EFCAB11: variants seen among roughly 807,000 people sequenced by gnomAD.
EFCAB11 encodes EF-hand calcium-binding domain-containing protein 11.
Under a neutral mutation model 23.0 loss-of-function variants are expected in EFCAB11, and 14 were observed. The ratio of observed to expected loss-of-function variants is 0.61; its 90% CI spans 0.40 to 0.95. The LOEUF is 0.95. Among genes scored for constraint, EFCAB11 ranks in the 40% least tolerant of loss-of-function variants. The pLI is 0.00. For missense variants in EFCAB11, 198 were observed against 195.8 expected (o/e 1.01, Z -0.07); for synonymous variants, 65 against 66.6 (o/e 0.98, Z 0.11).
At chr14:89,897,059 T>C (rs1889191203) in intron 5 of EFCAB11, among the ~76,000 whole-genome samples, 1 of 151,642 alleles carries the variant, frequency 6.6e-6, no homozygotes, top group South Asian at 2.1e-4. Flanking sequence ...GAATTATAGA[T>C]AAAACAAGGA....
At chr14:89,845,155 C>T (rs1887391752) in intron 5 of EFCAB11, among the ~76,000 whole-genome samples, 1 of 152,204 alleles carries the variant, frequency 6.6e-6, no homozygotes, top group Middle Eastern at 3.4e-3. Context: ...TAAAGAAATA[C>T]CTAACATATT....
intron 5 of EFCAB11, among the ~76,000 whole-genome samples, chr14:89,852,560 C>T (rs2150303): frequency 0.64 from 97,307 of 152,052 alleles, 33,438 homozygotes; most frequent in Non-Finnish European, 0.79. Context: ...TAGCCCAAGA[C>T]ACGTACACAA....
chr14:89,932,142 G>A (rs1890412065), intron 4 of EFCAB11, among the ~76,000 whole-genome samples: 1 of 151,984 alleles, frequency 6.6e-6, no homozygotes, highest in Non-Finnish European at 1.5e-5. Flanking sequence ...ACCCCTCTCA[G>A]CCACACCCTA....
At chr14:89,887,103 C>T (rs556179279) in intron 5 of EFCAB11, among the ~76,000 whole-genome samples, 23 of 152,112 alleles carry the variant, frequency 1.5e-4, no homozygotes, top group Non-Finnish European at 3.1e-4. Context: ...CAGAGGTATT[C>T]AAGAACAGAC....
chr14:89,820,726 T>C (rs1886488077), intron 5 of EFCAB11, among the ~76,000 whole-genome samples: 1 of 152,140 alleles, frequency 6.6e-6, no homozygotes, highest in African/African-American at 2.4e-5. Context: ...CCTTAATTCC[T>C]ATGCAGTACT....
At chr14:89,812,159 T>A (rs1046476871) in intron 5 of EFCAB11, among the ~76,000 whole-genome samples, 5 of 152,206 alleles carry the variant, frequency 3.3e-5, no homozygotes, top group African/African-American at 9.7e-5. Context: ...AAAAGTGATA[T>A]TAAAAATAGT....
At chr14:89,818,223 G>C (rs1030535861) in intron 5 of EFCAB11, among the ~76,000 whole-genome samples, 1 of 152,140 alleles carries the variant, frequency 6.6e-6, no homozygotes, top group Admixed American at 6.5e-5. Context: ...CCAAATTTAA[G>C]TAAATGTTCA....
At chr14:89,879,638 G>A (rs548487952) in intron 5 of EFCAB11, among the ~76,000 whole-genome samples, 1 of 152,196 alleles carries the variant, frequency 6.6e-6, no homozygotes, top group Non-Finnish European at 1.5e-5. Flanking sequence ...TTTTGAAGAA[G>A]ACTAAGAGCA....
At chr14:89,891,299 CTA>C (rs1888955801) in intron 5 of EFCAB11, among the ~76,000 whole-genome samples, 1 of 152,082 alleles carries the variant, frequency 6.6e-6, no homozygotes, top group Non-Finnish European at 1.5e-5. Context: ...ACTAGAGGTT[CTA>C]TGTTTAAAAA....
At chr14:89,839,484 A>C (rs984052444) in intron 5 of EFCAB11, among the ~76,000 whole-genome samples, 18 of 152,150 alleles carry the variant, frequency 1.2e-4, no homozygotes, top group Non-Finnish European at 2.6e-4. Context: ...AGATACTTAC[A>C]GGAGGATCCA....
chr14:89,907,992 T>C (rs1007967457), intron 5 of EFCAB11, among the ~76,000 whole-genome samples: 1 of 152,174 alleles, frequency 6.6e-6, no homozygotes, highest in South Asian at 2.1e-4. Context: ...GCACTAGATA[T>C]CAGCTAGCTA....
chr14:89,930,796 T>C (rs563305120), intron 5 of EFCAB11, among the ~76,000 whole-genome samples: 1 of 152,328 alleles, frequency 6.6e-6, no homozygotes, highest in South Asian at 2.1e-4. Context: ...TTCCGTTCTT[T>C]TGGGTTTTCT....
intron 5 of EFCAB11, among the ~76,000 whole-genome samples, chr14:89,839,231 T>C (rs1450639634): frequency 6.6e-6 from 1 of 152,202 alleles, no homozygotes; most frequent in African/African-American, 2.4e-5. Context: ...AGGTACAATG[T>C]TCTACCATCC....
chr14:89,904,435 T>C (rs990842537), intron 5 of EFCAB11, among the ~76,000 whole-genome samples: 5 of 152,202 alleles, frequency 3.3e-5, no homozygotes, highest in Admixed American at 6.5e-5. Context: ...ACAATAAACA[T>C]ACGTGTGCAT....
intron 5 of EFCAB11, among the ~76,000 whole-genome samples, chr14:89,918,396 G>A (rs1464969924): frequency 3.9e-5 from 6 of 151,944 alleles, no homozygotes; most frequent in African/African-American, 9.6e-5. Flanking sequence ...AAAATTAGCC[G>A]GGCATGGTAG....
chr14:89,939,785 C>T (rs1890728575), intron 3 of EFCAB11, among the ~76,000 whole-genome samples: 1 of 152,192 alleles, frequency 6.6e-6, no homozygotes, highest in Non-Finnish European at 1.5e-5. Context: ...ATCGCCCAGG[C>T]TGGAGTGCAG....
intron 5 of EFCAB11, among the ~76,000 whole-genome samples, chr14:89,926,596 A>C (rs1890201091): frequency 6.6e-6 from 1 of 152,256 alleles, no homozygotes. Flanking sequence ...TTGAAAATAC[A>C]CGAAGAGACA....
chr14:89,892,215 A>G lies in EFCAB11; in HGVS notation c.410+39326T>C. On this transcript the variant is annotated intron_variant, in intron 5 of 5. Coordinates refer to ENST00000316738, the MANE Select transcript of EFCAB11 (RefSeq NM_145231.4). Reference sequence around the variant, plus strand: ...AGCACCCGCTGTGTCTCAGCCCAGGAGGCCGAGGAGCTAGCTGCCTCCCTG... The same window carrying G: ...AGCACCCGCTGTGTCTCAGCCCAGGGGGCCGAGGAGCTAGCTGCCTCCCTG... 11 of 1,602,874 alleles carry G rather than the reference A, an allele frequency of 6.9e-6. No homozygotes were observed. In the South Asian group the frequency reaches 1.2e-4, roughly 18 times the overall value.
intron 5 of EFCAB11, among the ~76,000 whole-genome samples, chr14:89,828,194 G>T (rs1174534658): frequency 6.6e-6 from 1 of 152,074 alleles, no homozygotes; most frequent in Non-Finnish European, 1.5e-5. Flanking sequence ...ACCACTTATT[G>T]TATTGATATG....
Sources: gnomAD v4.1 joint callset for allele counts (sites outside exome capture counted in the v4.1 genomes callset) on GRCh38, gnomAD v4.1.1 for gene constraint, MANE v1.5 for transcripts, NCBI Gene and HGNC (gene_info 2026-07-23, HGNC 2026-07-21) for gene names.